Variants in SNX14 observed in about 807,000 individuals in gnomAD.
SNX14 encodes sorting nexin-14.
In SNX14, 93 loss-of-function variants were observed where a neutral mutation model predicts 133.8. The observed-to-expected ratio is 0.70, with a 90% CI of 0.59 to 0.83. The LOEUF (loss-of-function observed/expected upper bound fraction) is 0.83, where lower values mean the gene tolerates loss of function less well. Ranked by LOEUF, SNX14 falls within the 40% of genes least tolerant of loss-of-function variation. The pLI is 0.00. For synonymous variants in SNX14, 368 were observed against 365.6 expected, an observed-to-expected ratio of 1.01 and a Z score of -0.07; for missense variants, 945 against 1,094.9, an observed-to-expected ratio of 0.86 and a Z score of 1.93.
intron 7 of SNX14, among the ~76,000 whole-genome samples, chr6:85,553,183 C>T (rs1325903204): frequency 1.3e-5 from 2 of 152,154 alleles, no homozygotes; most frequent in Non-Finnish European, 2.9e-5. Context: ...TTTTTCTGCA[C>T]ACTGGGCAAG....
chr6:85,573,092 G>C (rs1285821584), intron 2 of SNX14, among the ~76,000 whole-genome samples: 1 of 152,120 alleles, frequency 6.6e-6, no homozygotes, highest in East Asian at 1.9e-4. Context: ...ATCAAATATG[G>C]GGCACCACGT....
chr6:85,520,448 C>T (rs886798617), intron 21 of SNX14, among the ~76,000 whole-genome samples: 1 of 151,552 alleles, frequency 6.6e-6, no homozygotes, highest in East Asian at 1.9e-4. Flanking sequence ...ACCTCCACTT[C>T]CCAGGTTCAA....
chr6:85,550,774 T>C (rs904127684), intron 7 of SNX14, among the ~76,000 whole-genome samples: 3 of 151,750 alleles, frequency 2.0e-5, no homozygotes, highest in East Asian at 1.9e-4. Context: ...GCTGGGATTA[T>C]AGGCCTCAAA....
chr6:85,549,579 AT>A (rs1482207973), intron 8 of SNX14, 143 bp downstream of exon 8: 13 of 438,102 alleles, frequency 3.0e-5, no homozygotes, highest in Non-Finnish European at 4.3e-5. Context: ...TAAATTATAT[AT>A]TAATAACTTA....
At chr6:85,554,982 G>T (rs937018328) in intron 7 of SNX14, among the ~76,000 whole-genome samples, 1 of 151,624 alleles carries the variant, frequency 6.6e-6, no homozygotes, top group Admixed American at 6.6e-5. Context: ...CACCACACTC[G>T]GCTAATTTTT....
chr6:85,577,375 G>A (rs376963243), intron 1 of SNX14, among the ~76,000 whole-genome samples: 6 of 152,190 alleles, frequency 3.9e-5, no homozygotes, highest in South Asian at 2.1e-4. Context: ...CTGAGATCAC[G>A]CCACTGCACT....
chr6:85,568,706 T>A (rs910063810), intron 4 of SNX14, among the ~76,000 whole-genome samples: 11 of 152,196 alleles, frequency 7.2e-5, no homozygotes, highest in Admixed American at 5.2e-4. Flanking sequence ...ATATATTTTC[T>A]CTGGCAGCAA....
At chr6:85,550,930 G>A (rs1247464385) in intron 7 of SNX14, among the ~76,000 whole-genome samples, 1 of 151,914 alleles carries the variant, frequency 6.6e-6, no homozygotes, top group Non-Finnish European at 1.5e-5. Context: ...ACAGGCACCG[G>A]CCACCACCTC....
chr6:85,582,828 A>C (rs550807388), intron 1 of SNX14, among the ~76,000 whole-genome samples: 1 of 152,302 alleles, frequency 6.6e-6, no homozygotes, highest in South Asian at 2.1e-4. Flanking sequence ...TTCACAGCCA[A>C]ATTCTACCAA....
In SNX14 at chr6:85,513,844, T is replaced by C. The variant is rs1220055134; in HGVS notation, c.2609A>G (p.Lys870Arg). 1.2e-6 allele frequency: 2 copies of C among 1,613,274 alleles called. No individual in the cohort carries two copies. Among genetic ancestry groups the C allele is most frequent in the Middle Eastern group, 1.7e-4 (1 of 6,054 alleles). Residue 870 changes from lysine (K) to arginine (R), a missense_variant, in exon 26 of 29, where the codon AAA becomes AGA. Transcript: ENST00000314673. ...TEPRSLQDKQKGAKQTFEEMM... is the reference protein window; with the variant it reads ...TEPRSLQDKQRGAKQTFEEMM... ...TTCTTCAAAAGTCTGTTTTGCTCCT[T>C]TTTGCTTATCTTGGAGAGAGCGAGG...
At chr6:85,547,473 T>A (rs1454927433) in intron 10 of SNX14, 33 bp downstream of exon 10, 1 of 1,604,720 alleles carries the variant, frequency 6.2e-7, no homozygotes, top group Admixed American at 1.7e-5. Context: ...TTCAATGCAA[T>A]CTGAAGTGTT....
intron 7 of SNX14, among the ~76,000 whole-genome samples, chr6:85,556,523 T>G (rs916538243): frequency 2.7e-5 from 4 of 147,664 alleles, no homozygotes; most frequent in Non-Finnish European, 3.0e-5. Context: ...CAGGCTGGAG[T>G]GCAGTGGCAT....
chr6:85,514,717 A>C, intron 23 of SNX14, 88 bp from the exon 24 acceptor site: 1 of 1,347,774 alleles, frequency 7.4e-7, no homozygotes, highest in Non-Finnish European at 1.0e-6. Context: ...CACACAGCAA[A>C]GGCATTTAAA....
intron 15 of SNX14, among the ~76,000 whole-genome samples, chr6:85,540,635 C>T (rs990950499): frequency 2.6e-5 from 4 of 152,132 alleles, no homozygotes; most frequent in Admixed American, 2.0e-4. Flanking sequence ...TACATGTATA[C>T]TACTTCTACT....
At chr6:85,510,386 T>C (rs1772376381) in intron 26 of SNX14, among the ~76,000 whole-genome samples, 1 of 152,236 alleles carries the variant, frequency 6.6e-6, no homozygotes, top group Non-Finnish European at 1.5e-5. Context: ...ACATATGATG[T>C]AGAACATCTT....
At chr6:85,536,657 A>T in intron 17 of SNX14, 135 bp downstream of exon 17, 1 of 730,304 alleles carries the variant, frequency 1.4e-6, no homozygotes, top group Non-Finnish European at 2.1e-6. Flanking sequence ...GGAAGTCTGA[A>T]GTAAGAAGAT....
At position 85,508,126 on chromosome 6, in the gene SNX14, A is replaced by T. The variant is rs965177587; in HGVS notation, c.2654-67T>A. ...AGTGACTCACCATTAACTGGATCAT[A>T]AAGCAAAATCACCACCCTGTTTCCC... On this transcript the variant is annotated intron_variant, in intron 26 of 28. Coordinates refer to ENST00000314673, the MANE Select transcript of SNX14 (RefSeq NM_153816.6). The T allele has an allele frequency of 7.2e-6, 11 of 1,532,290 alleles. No individual in the cohort carries two copies. In the Admixed American group the frequency reaches 9.8e-5, roughly 14 times the overall value. The allele number at this position is 1,532,290 out of a possible 1,614,324, so 94.9% of individuals were successfully genotyped here.
chr6:85,544,705 T>G (rs963365144), intron 12 of SNX14, among the ~76,000 whole-genome samples: 1 of 152,168 alleles, frequency 6.6e-6, no homozygotes, highest in Non-Finnish European at 1.5e-5. Flanking sequence ...GGCAAGAGGA[T>G]GAATGAGCTC....
At position 85,584,175 on chromosome 6, in the gene SNX14, T is replaced by C. The variant is rs369323996; in HGVS notation, c.140+9404A>G. On this transcript the variant is annotated intron_variant, in intron 1 of 28. Coordinates refer to ENST00000314673, the MANE Select transcript of SNX14 (RefSeq NM_153816.6). Reference sequence around the variant, plus strand: ...AGGATTCCCTATTTAATAAATGGTGTTGGGAAAACTGGCTAGCCATATGCA... The same window carrying C: ...AGGATTCCCTATTTAATAAATGGTGCTGGGAAAACTGGCTAGCCATATGCA... Among the ~76,000 whole-genome samples, 17 of 152,180 alleles carry C rather than the reference T, an allele frequency of 1.1e-4. 1 individual carries two copies. In the East Asian group the frequency reaches 2.3e-3, roughly 21 times the overall value.
Sources: gnomAD v4.1 joint callset for allele counts (sites outside exome capture counted in the v4.1 genomes callset) on GRCh38, gnomAD v4.1.1 for gene constraint, MANE v1.5 for transcripts, NCBI Gene and HGNC (gene_info 2026-07-23, HGNC 2026-07-21) for gene names.